The following CIITA variants were observed in gnomAD, a reference collection of about 807,000 sequenced individuals.
CIITA encodes the protein MHC class II transactivator.
A neutral mutation model predicts 115.1 loss-of-function variants in CIITA; 72 were observed. That is an observed-to-expected ratio of 0.63 (90% confidence interval 0.52 to 0.76). The LOEUF (loss-of-function observed/expected upper bound fraction) is 0.76. CIITA is among the 30% of genes least tolerant of loss of function. The pLI, the probability that CIITA is intolerant of heterozygous loss-of-function variation, is 0.00. For synonymous variants in CIITA, 763 were observed against 635.6 expected (o/e 1.20, Z -3.02); for missense variants, 1,617 against 1,463.8 (o/e 1.10, Z -1.71).
chr16:10,868,808 C>T (rs780998096), intron 1 of CIITA, among the ~76,000 whole-genome samples: 2 of 152,182 alleles, frequency 1.3e-5, no homozygotes, highest in Non-Finnish European at 2.9e-5. Context: ...ATTTCTGATC[C>T]CACGTGACTC....
chr16:10,885,583 C>T (rs11074934), intron 1 of CIITA, among the ~76,000 whole-genome samples: 45,277 of 152,040 alleles, frequency 0.3, 7,774 homozygotes, highest in East Asian at 0.72. Flanking sequence ...CCTGGGATAT[C>T]TACACTTGGT....
intron 1 of CIITA, among the ~76,000 whole-genome samples, chr16:10,889,500 G>A (rs1170897636): frequency 1.3e-5 from 2 of 151,934 alleles, no homozygotes. Context: ...GATCCTGCAG[G>A]ACAATCTTTT....
intron 1 of CIITA, among the ~76,000 whole-genome samples, chr16:10,887,614 G>T (rs1596466192): frequency 6.6e-6 from 1 of 151,870 alleles, no homozygotes; most frequent in East Asian, 1.9e-4. Context: ...TCCTGCCTCA[G>T]CCTCCCAAGT....
At chr16:10,913,041 T>G (rs1388062228) in intron 13 of CIITA, among the ~76,000 whole-genome samples, 1 of 152,216 alleles carries the variant, frequency 6.6e-6, no homozygotes, top group African/African-American at 2.4e-5. Context: ...CTGTTCACCC[T>G]TATCTCCTAC....
intron 1 of CIITA, among the ~76,000 whole-genome samples, chr16:10,880,120 C>CA (rs2036269429): frequency 6.6e-6 from 1 of 152,234 alleles, no homozygotes. Context: ...GATCACCTTG[C>CA]AAACCCCCGG....
At chr16:10,869,022 T>C (rs1325970283) in intron 1 of CIITA, among the ~76,000 whole-genome samples, 2 of 152,214 alleles carry the variant, frequency 1.3e-5, no homozygotes, top group Non-Finnish European at 2.9e-5. Context: ...GGCAAGAGAA[T>C]TGCATGGTTT....
upstream of CIITA, among the ~76,000 whole-genome samples, chr16:10,872,314 G>A (rs1440674518): frequency 6.6e-6 from 1 of 151,986 alleles, no homozygotes; most frequent in Admixed American, 6.6e-5. Context: ...GTAGAGACAG[G>A]GTTTCATCAT....
Position 10,930,284 on chromosome 16 carries a change from A to G in CIITA, c.*6429A>G, listed in dbSNP as rs2040727460. 6.6e-6 allele frequency: 1 copy of G among 152,244 alleles called. No individual in the cohort carries two copies. 9.4% of individuals were successfully genotyped at this position (152,244 alleles called of 1,614,324 possible). ...ATCTCGCAGAACTTGTATGTTAAACATGTGACATGTATTGTTGTTTGACAG... is the reference window on the plus strand; with the variant it reads ...ATCTCGCAGAACTTGTATGTTAAACGTGTGACATGTATTGTTGTTTGACAG... On this transcript the variant is annotated 3_prime_UTR_variant, in exon 20 of 20. Transcript: ENST00000324288.
rs1226865394 is a variant in CIITA at position 10,932,325 on chromosome 16, C to T, written c.*8470C>T. 6.6e-6 allele frequency: 1 copy of T among 152,228 alleles called. No individual in the cohort carries two copies. 9.4% of individuals were successfully genotyped at this position (152,228 alleles called of 1,614,324 possible). The stretch of plus-strand genomic sequence containing the variant: ...TACTTTGTGTTCACCTTGTACTACT[C>T]GAACTCATGTCTTAACTCACTTATC... On this transcript the variant is annotated 3_prime_UTR_variant, in exon 20 of 20. Coordinates refer to ENST00000324288, the MANE Select transcript of CIITA (RefSeq NM_000246.4).
chr16:10,932,661 A>T lies in CIITA; in HGVS notation c.*8806A>T, dbSNP rs1281887649. ...AAAAATAAAACAAAATCACACACAC[A>T]CACACAAAAAAACACAAACCAAAAA... On this transcript the variant is annotated 3_prime_UTR_variant, in exon 20 of 20. Transcript: ENST00000324288. 4.8e-5 allele frequency: 7 copies of T among 145,574 alleles called. No individual in the cohort carries two copies. Among genetic ancestry groups the T allele is most frequent in the African/African-American group, 1.8e-4 (7 of 39,578 alleles). The allele number at this position is 145,574 out of a possible 1,614,324, so 9.0% of individuals were successfully genotyped here.
intron 1 of CIITA, among the ~76,000 whole-genome samples, chr16:10,890,424 CT>C (rs2037443476): frequency 6.6e-6 from 1 of 152,066 alleles, no homozygotes; most frequent in Non-Finnish European, 1.5e-5. Flanking sequence ...GTAGCTGGTT[CT>C]ACAGATGCAC....
rs2039189699 is a variant in CIITA at position 10,906,794 on chromosome 16, C to A, written c.1302C>A (p.Ser434Arg). The change falls in exon 11 of 20, where the codon AGC (serine) becomes AGA (arginine). Residue 434 changes from serine to arginine, a missense_variant. Coordinates refer to ENST00000324288, the MANE Select transcript of CIITA (RefSeq NM_000246.4). ...QGKSYWAGAV[S>R]RAWACGRLPQ... is the part of the protein sequence containing the mutation. ...AGAGCTATTGGGCTGGGGCAGTGAG[C>A]CGGGCCTGGGCTTGTGGCCGGCTTC... 1 of 1,612,026 alleles carries A rather than the reference C, an allele frequency of 6.2e-7. No individual in the cohort carries two copies. The highest frequency in any genetic ancestry group is 1.3e-5 in the African/African-American group (1 of 75,052).
At position 10,895,292 on chromosome 16, in the gene CIITA, G is replaced by C. The variant is rs748905238; in HGVS notation, c.63G>C (p.Gln21His). 63 of 1,613,852 alleles carry C rather than the reference G, an allele frequency of 3.9e-5. No individual in the cohort carries two copies. The East Asian group carries it at 1.4e-3, about 35-fold the overall frequency. Reference protein sequence around the residue: ...SYLSEPQGSSQCATMELGPLE... With the variant: ...SYLSEPQGSSHCATMELGPLE... ...TGTCTTCCCTCCCAGGCAGCTCACAGTGTGCCACCATGGAGTTGGGGCCCC... is the reference window on the plus strand; with the variant it reads ...TGTCTTCCCTCCCAGGCAGCTCACACTGTGCCACCATGGAGTTGGGGCCCC... The change falls in exon 2 of 20, where the codon CAG becomes CAC. Residue 21 changes from glutamine (Q) to histidine (H), a missense_variant. By Grantham distance (24) the Gln-to-His change is conservative (BLOSUM62 0). Coordinates refer to ENST00000324288, the MANE Select transcript of CIITA (RefSeq NM_000246.4).
upstream of CIITA, among the ~76,000 whole-genome samples, chr16:10,875,471 AG>A (rs2035766859): frequency 6.6e-6 from 1 of 152,078 alleles, no homozygotes; most frequent in African/African-American, 2.4e-5. Flanking sequence ...ACAGAGAGGA[AG>A]TAAAGAGGCC....
intron 1 of CIITA, among the ~76,000 whole-genome samples, chr16:10,867,319 G>A (rs544110902): frequency 2.0e-5 from 2 of 101,408 alleles, no homozygotes; most frequent in East Asian, 4.2e-4. Context: ...CCCACTGTGT[G>A]TGTTGGGGGG....
chr16:10,912,950 A>G (rs1168467490), intron 13 of CIITA, among the ~76,000 whole-genome samples: 1 of 152,250 alleles, frequency 6.6e-6, no homozygotes, highest in East Asian at 1.9e-4. Flanking sequence ...CTGTCTGTCA[A>G]ATCAGGGTTC....
Position 10,901,662 on chromosome 16 carries a change from G to C in CIITA, c.481+104G>C. 8.1e-7 allele frequency: 1 copy of C among 1,236,406 alleles called. No individual in the cohort carries two copies. Among genetic ancestry groups the C allele is most frequent in the Non-Finnish European group, 1.2e-6 (1 of 862,806 alleles). 76.6% of individuals were successfully genotyped at this position (1,236,406 alleles called of 1,614,324 possible). On this transcript the variant is annotated intron_variant, in intron 6 of 19. Coordinates refer to ENST00000324288, the MANE Select transcript of CIITA (RefSeq NM_000246.4). The surrounding 1 kb of genome is among the most constrained non-coding windows in gnomAD (Gnocchi z 6.8). ...AAGTCTGATGGGGATGGTGCATGGT[G>C]CAGCCCCTGCCCTTCTTTGGGTAGA...
At chr16:10,922,339 G>T in intron 17 of CIITA, 68 bp from the exon 18 acceptor site, 1 of 1,607,872 alleles carries the variant, frequency 6.2e-7, no homozygotes, top group Non-Finnish European at 8.5e-7. Flanking sequence ...AGCTGGATGT[G>T]GGGGTGGCCT....
At chr16:10,912,265 C>A (rs2039634987) in intron 13 of CIITA, among the ~76,000 whole-genome samples, 1 of 152,072 alleles carries the variant, frequency 6.6e-6, no homozygotes, top group African/African-American at 2.4e-5. Flanking sequence ...AGGTGTACAC[C>A]ACTACACCTG....
Sources: gnomAD v4.1 joint callset for allele counts (sites outside exome capture counted in the v4.1 genomes callset) on GRCh38, gnomAD v4.1.1 for gene constraint, Gnocchi (gnomAD v3.1) non-coding constraint, MANE v1.5 for transcripts, NCBI Gene and HGNC (gene_info 2026-07-23, HGNC 2026-07-21) for gene names.